TMEM132D: variants seen among roughly 807,000 people sequenced by gnomAD.
TMEM132D encodes the protein mature OL transmembrane protein.
TMEM132D carries 21 observed loss-of-function variants against 62.3 expected under a neutral mutation model. The ratio of observed to expected loss-of-function variants is 0.34; its 90% CI spans 0.24 to 0.49. The LOEUF (loss-of-function observed/expected upper bound fraction) is 0.49. Ranked by LOEUF, TMEM132D falls within the 20% of genes least tolerant of loss-of-function variation. TMEM132D has a pLI of 0.99. For missense variants in TMEM132D, 1,346 were observed against 1,402.8 expected (o/e 0.96, Z 0.65); for synonymous variants, 621 against 575.6 (o/e 1.08, Z -1.13).
At position 129,733,919 on chromosome 12, in the gene TMEM132D, T is replaced by C. The variant is rs80137390; in HGVS notation, c.80-33221A>G. On this transcript the variant is annotated intron_variant, in intron 1 of 8. Coordinates refer to ENST00000422113, the MANE Select transcript of TMEM132D (RefSeq NM_133448.3). ...TGCAGACAAGCTGGTCTTTGTGAGA[T>C]TTAGCTTGAATTCCATCTTCTGGAT... 1.3e-3 allele frequency among the ~76,000 whole-genome samples: 205 copies of C among 152,220 alleles called. 3 individuals are homozygous for C. The East Asian group carries it at 0.035, about 26-fold the overall frequency.
Position 129,634,317 on chromosome 12 carries a change from A to G in TMEM132D, c.968+65493T>C, listed in dbSNP as rs1477838084. Among the ~76,000 whole-genome samples, 4 of 151,860 alleles carry G rather than the reference A, an allele frequency of 2.6e-5. No individual in the cohort carries two copies. In the East Asian group the frequency reaches 7.7e-4, roughly 29 times the overall value. ...GCCAGTGTCTGTCTATACGTTAAAAAAAAAAAATTAGCGGGGTATGGTGGC... is the reference window on the plus strand; with the variant it reads ...GCCAGTGTCTGTCTATACGTTAAAAGAAAAAAATTAGCGGGGTATGGTGGC... On this transcript the variant is annotated intron_variant, in intron 2 of 8. Coordinates refer to ENST00000422113, the MANE Select transcript of TMEM132D (RefSeq NM_133448.3).
At chr12:129,313,166 A>G (rs913336214) in intron 4 of TMEM132D, among the ~76,000 whole-genome samples, 2 of 151,926 alleles carry the variant, frequency 1.3e-5, no homozygotes, top group African/African-American at 4.8e-5. Flanking sequence ...CATACATTTT[A>G]TTTTATATTT....
intron 5 of TMEM132D, among the ~76,000 whole-genome samples, chr12:129,111,967 C>T (rs1875718091): frequency 1.3e-5 from 2 of 152,136 alleles, no homozygotes; most frequent in Admixed American, 1.3e-4. Flanking sequence ...CATCATGATG[C>T]CCGTGTTTTG....
intron 3 of TMEM132D, among the ~76,000 whole-genome samples, chr12:129,503,268 A>T (rs1201990785): frequency 1.3e-5 from 2 of 152,192 alleles, no homozygotes; most frequent in South Asian, 4.2e-4. Context: ...TAGAAAGTCG[A>T]CAGAAGAAAT....
At chr12:129,304,179 T>C (rs571219788) in intron 4 of TMEM132D, among the ~76,000 whole-genome samples, 1 of 152,240 alleles carries the variant, frequency 6.6e-6, no homozygotes, top group Non-Finnish European at 1.5e-5. Flanking sequence ...AGCAGAGTCA[T>C]TGACACCACA....
chr12:129,082,084 A>AGGGGCCGTGTGT, intron 6 of TMEM132D, 52 bp from the exon 7 acceptor site: 2 of 1,547,882 alleles, frequency 1.3e-6, no homozygotes, highest in South Asian at 2.5e-5. Flanking sequence ...GTCCTCTGTA[A>AGGGGCCGTGTGT]GGGGCCGTGT....
At chr12:129,182,877 G>C in intron 5 of TMEM132D, among the ~76,000 whole-genome samples, 1 of 152,202 alleles carries the variant, frequency 6.6e-6, no homozygotes, top group African/African-American at 2.4e-5. Context: ...TCAGGATCAC[G>C]TGAGTTGACT....
At chr12:129,145,950 T>TAAAAC (rs532928473) in intron 5 of TMEM132D, among the ~76,000 whole-genome samples, 35 of 152,178 alleles carry the variant, frequency 2.3e-4, no homozygotes, top group African/African-American at 8.2e-4. Flanking sequence ...ACTAAAAGCC[T>TAAAAC]AAAACAAAAC....
chr12:129,466,804 C>T (rs1342039441), intron 3 of TMEM132D, among the ~76,000 whole-genome samples: 1 of 152,166 alleles, frequency 6.6e-6, no homozygotes, highest in Non-Finnish European at 1.5e-5. Context: ...TCCATCCTTC[C>T]CCTGTAGCTT....
intron 3 of TMEM132D, among the ~76,000 whole-genome samples, chr12:129,524,963 G>T (rs1593050688): frequency 2.1e-5 from 2 of 95,308 alleles, no homozygotes; most frequent in South Asian, 3.8e-4. Flanking sequence ...GTCTCGCTCT[G>T]TCGCCAGGCT....
chr12:129,442,116 G>T (rs1238464899), intron 3 of TMEM132D, among the ~76,000 whole-genome samples: 2 of 152,092 alleles, frequency 1.3e-5, no homozygotes, highest in Non-Finnish European at 2.9e-5. Flanking sequence ...ACCTACACAT[G>T]TACCCCCGGA....
intron 1 of TMEM132D, among the ~76,000 whole-genome samples, chr12:129,801,929 A>C (rs1871802285): frequency 6.6e-6 from 1 of 151,740 alleles, no homozygotes; most frequent in African/African-American, 2.4e-5. Flanking sequence ...ACTGGAAGAA[A>C]GGGTATCAGC....
At chr12:129,530,771 T>C (rs1876193952) in intron 3 of TMEM132D, among the ~76,000 whole-genome samples, 6 of 152,008 alleles carry the variant, frequency 3.9e-5, no homozygotes, top group African/African-American at 1.5e-4. Context: ...TAGAAAGAGG[T>C]CATGTTGAAG....
At chr12:129,351,361 C>T (rs920530077) in intron 3 of TMEM132D, among the ~76,000 whole-genome samples, 2 of 152,178 alleles carry the variant, frequency 1.3e-5, no homozygotes, top group African/African-American at 4.8e-5. Flanking sequence ...CAATCAGTAT[C>T]CAGTTACAAG....
intron 3 of TMEM132D, among the ~76,000 whole-genome samples, chr12:129,344,506 T>C (rs1223428077): frequency 6.6e-6 from 1 of 152,166 alleles, no homozygotes; most frequent in African/African-American, 2.4e-5. Context: ...TAAGACAGAA[T>C]GGGTTAGAGG....
chr12:129,620,229 A>T (rs155722), intron 2 of TMEM132D, among the ~76,000 whole-genome samples: 1 of 152,210 alleles, frequency 6.6e-6, no homozygotes, highest in Non-Finnish European at 1.5e-5. Flanking sequence ...CGTGGCAGCC[A>T]CTTCCCTGCT....
intron 2 of TMEM132D, among the ~76,000 whole-genome samples, chr12:129,669,833 T>C (rs776243866): frequency 2.0e-5 from 3 of 152,224 alleles, no homozygotes; most frequent in Admixed American, 6.5e-5. Flanking sequence ...TTTACAACCG[T>C]GGTCACTTAA....
intron 1 of TMEM132D, among the ~76,000 whole-genome samples, chr12:129,748,570 G>C (rs768491248): frequency 2.0e-5 from 3 of 152,144 alleles, no homozygotes; most frequent in Non-Finnish European, 4.4e-5. Flanking sequence ...AAAGTATCTG[G>C]GCACTATTTC....
chr12:129,444,555 C>T (rs922460379), intron 3 of TMEM132D, among the ~76,000 whole-genome samples: 6 of 152,092 alleles, frequency 3.9e-5, no homozygotes, highest in Non-Finnish European at 7.4e-5. Flanking sequence ...CCTGTCAGCC[C>T]ATTGCCTAGA....
Sources: allele counts gnomAD v4.1 joint callset (sites outside exome capture counted in the v4.1 genomes callset), GRCh38; gene constraint gnomAD v4.1.1; transcripts MANE v1.5; gene names NCBI Gene and HGNC (gene_info 2026-07-23, HGNC 2026-07-21).